Variants in NFASC observed in about 807,000 individuals in gnomAD.
NFASC encodes neurofascin homolog.
Under a neutral mutation model 147.5 loss-of-function variants are expected in NFASC, and 43 were observed. The observed-to-expected ratio is 0.29, with a 90% CI of 0.23 to 0.38. The LOEUF (loss-of-function observed/expected upper bound fraction) is 0.38, where lower values mean the gene tolerates loss of function less well. Ranked by LOEUF, NFASC falls within the 10% of genes least tolerant of loss-of-function variation. The pLI is 1.00. For synonymous variants in NFASC, 622 were observed against 665.5 expected (o/e 0.93, Z 1.01); for missense variants, 1,320 against 1,689.0 (o/e 0.78, Z 3.83).
At chr1:204,915,422 A>G (rs1362011795) in intron 1 of NFASC, among the ~76,000 whole-genome samples, 2 of 152,230 alleles carry the variant, frequency 1.3e-5, no homozygotes, top group African/African-American at 2.4e-5. Flanking sequence ...AAATACATGT[A>G]TATGTATATG....
rs143835447 is a variant in NFASC, at chr1:204,867,805, A to T, written c.-200+39023A>T. Among the ~76,000 whole-genome samples the T allele has an allele frequency of 5.1e-3, 784 of 152,286 alleles. 7 individuals carry two copies. Among genetic ancestry groups the T allele is most frequent in the African/African-American group, 0.018 (730 of 41,562 alleles). ...CACATAGCAGCCACTCCAAGCAGAG[A>T]CAGAGACAGGCCCTGGCGGGTACCG... On this transcript the variant is annotated intron_variant, in intron 1 of 29. Transcript: ENST00000339876.
chr1:204,927,714 C>T (rs952420276), intron 2 of NFASC, among the ~76,000 whole-genome samples: 5 of 152,228 alleles, frequency 3.3e-5, no homozygotes, highest in African/African-American at 1.2e-4. Context: ...TCACCATCCC[C>T]CTCCCTCTGA....
chr1:204,974,245 G>T lies in NFASC; in HGVS notation c.1346G>T (p.Arg449Leu). 2 of 1,614,130 alleles carry T rather than the reference G, an allele frequency of 1.2e-6. 1 individual carries two copies. The highest frequency in any genetic ancestry group is 2.7e-5 in the African/African-American group (2 of 75,034). ...LIRVILYNRT[R>L]LDCPFFGSPI... is the part of the protein sequence containing the mutation. Reference sequence around the variant, plus strand: ...CGAGTGATTCTTTACAACCGGACGCGGCTGGACTGCCCTTTCTTTGGGTCT... The same window carrying T: ...CGAGTGATTCTTTACAACCGGACGCTGCTGGACTGCCCTTTCTTTGGGTCT... Residue 449 changes from arginine to leucine, a missense_variant, in exon 13 of 30, where the codon CGG becomes CTG. Physicochemically the swap from Arg to Leu is moderately radical, Grantham distance 102. This residue lies in a region of NFASC where 981 missense variants were observed against 1,289.5 expected (regional missense o/e 0.76). Transcript: ENST00000339876.
intron 1 of NFASC, among the ~76,000 whole-genome samples, chr1:204,837,952 T>C (rs1272887774): frequency 2.0e-5 from 3 of 152,206 alleles, no homozygotes; most frequent in Non-Finnish European, 4.4e-5. Flanking sequence ...TGGGTTTACA[T>C]GAGAATTCCA....
chr1:204,929,576 G>C (rs952324688), intron 2 of NFASC: 1 of 152,466 alleles, frequency 6.6e-6, no homozygotes, highest in Admixed American at 6.5e-5. Context: ...TAAAAGGGGA[G>C]GTGGGAGGAT....
Position 204,858,163 on chromosome 1 carries a change from A to G in NFASC, c.-200+29381A>G, listed in dbSNP as rs148537853. Among the ~76,000 whole-genome samples the G allele has an allele frequency of 1.9e-4, 29 of 151,502 alleles. 2 individuals carry two copies. Among genetic ancestry groups the G allele is most frequent in the African/African-American group, 5.6e-4 (23 of 41,386 alleles). ...TTGAACTCCTAACCTCAGGTGATCC[A>G]CCTGCCTCAGCCTCCCAAAGTGCTG... On this transcript the variant is annotated intron_variant, in intron 1 of 29. Transcript: ENST00000339876.
intron 1 of NFASC, among the ~76,000 whole-genome samples, chr1:204,850,639 G>T (rs1048903530): frequency 7.9e-5 from 12 of 152,212 alleles, no homozygotes; most frequent in Non-Finnish European, 1.6e-4. Context: ...CTTCTCCTTT[G>T]TGCGCTCTGT....
intron 8 of NFASC, among the ~76,000 whole-genome samples, chr1:204,958,903 G>A (rs976542734): frequency 7.2e-5 from 11 of 152,112 alleles, no homozygotes; most frequent in Non-Finnish European, 1.5e-4. Context: ...AGGACAGGTA[G>A]GGGGTGTGAC....
chr1:204,937,933 A>G (rs937326128), intron 2 of NFASC, among the ~76,000 whole-genome samples: 12 of 152,204 alleles, frequency 7.9e-5, no homozygotes, highest in African/African-American at 2.4e-4. Flanking sequence ...GGCTATGTGA[A>G]TGAATCCCTG....
Position 204,968,448 on chromosome 1 carries a change from A to G in NFASC, c.818+88A>G. 1 of 925,998 alleles carries G rather than the reference A, an allele frequency of 1.1e-6. No homozygotes were observed. Among genetic ancestry groups the G allele is most frequent in the Non-Finnish European group, 1.7e-6 (1 of 575,478 alleles). The allele number at this position is 925,998 out of a possible 1,614,324, so 57.4% of individuals were successfully genotyped here. On this transcript the variant is annotated intron_variant, in intron 9 of 29. Coordinates refer to ENST00000339876, the MANE Select transcript of NFASC (RefSeq NM_001005388.3). This position sits in a 1 kb window ranked among gnomAD's most constrained non-coding sequence, Gnocchi z 5.4. Reference sequence around the variant, plus strand: ...TCATGCTCTTGTTAATGCCACATTTAGTGCATACCAGTAGCACAGCAAAAA... The same window carrying G: ...TCATGCTCTTGTTAATGCCACATTTGGTGCATACCAGTAGCACAGCAAAAA...
In NFASC at chr1:204,968,144, C is replaced by A. The variant is rs561658746; in HGVS notation, c.707-105C>A. 2.4e-5 allele frequency: 19 copies of A among 800,246 alleles called. No homozygotes were observed. In the African/African-American group the frequency reaches 3.2e-4, roughly 13 times the overall value. 49.6% of individuals were successfully genotyped at this position (800,246 alleles called of 1,614,324 possible). Reference sequence around the variant, plus strand: ...TTGGGATGGTTTCAGCTGGGAGGATCCGGCAGGGGCGGTGATGCCACTTCT... The same window carrying A: ...TTGGGATGGTTTCAGCTGGGAGGATACGGCAGGGGCGGTGATGCCACTTCT... On this transcript the variant is annotated intron_variant, in intron 8 of 29. Coordinates refer to ENST00000339876, the MANE Select transcript of NFASC (RefSeq NM_001005388.3). This position sits in a 1 kb window ranked among gnomAD's most constrained non-coding sequence, Gnocchi z 5.4.
At chr1:205,013,798 C>T (rs2096294829) in intron 29 of NFASC, among the ~76,000 whole-genome samples, 1 of 152,180 alleles carries the variant, frequency 6.6e-6, no homozygotes, top group Non-Finnish European at 1.5e-5. Flanking sequence ...TCCCCTTGTC[C>T]TCTGCTACAG....
chr1:204,910,621 A>G lies in NFASC; in HGVS notation c.-199-10011A>G, dbSNP rs80081779. Reference sequence around the variant, plus strand: ...TGCAAGACACCACATCCAGGCTTGCATCTGGATGTGCTGAGTTGCACCTGC... The same window carrying G: ...TGCAAGACACCACATCCAGGCTTGCGTCTGGATGTGCTGAGTTGCACCTGC... On this transcript the variant is annotated intron_variant, in intron 1 of 29. Transcript: ENST00000339876. Among the ~76,000 whole-genome samples the G allele has an allele frequency of 1.0e-2, 1,515 of 152,002 alleles. 20 individuals are homozygous for G. The highest frequency in any genetic ancestry group is 0.032 in the African/African-American group (1,324 of 41,494).
At chr1:204,985,234 C>T (rs1290516648) in intron 21 of NFASC, among the ~76,000 whole-genome samples, 1 of 152,208 alleles carries the variant, frequency 6.6e-6, no homozygotes, top group African/African-American at 2.4e-5. Flanking sequence ...GTTGCCCAAA[C>T]TCATTCCACT....
chr1:204,910,548 C>G (rs959465302), intron 1 of NFASC, among the ~76,000 whole-genome samples: 2 of 152,032 alleles, frequency 1.3e-5, no homozygotes, highest in Non-Finnish European at 2.9e-5. Flanking sequence ...AACTCCTGGG[C>G]TCAAGGGATC....
chr1:204,977,011 A>G (rs2095420749), intron 16 of NFASC: 8 of 1,307,110 alleles, frequency 6.1e-6, no homozygotes, highest in Non-Finnish European at 7.8e-6. Flanking sequence ...GGAGTCATTA[A>G]CTTCCCCACG....
Position 204,968,005 on chromosome 1 carries a change from A to C in NFASC, c.707-244A>C. The C allele has an allele frequency of 1.7e-5, 7 of 405,190 alleles. No individual in the cohort carries two copies. The highest frequency in any genetic ancestry group is 4.8e-5 in the East Asian group (1 of 20,720). The allele number at this position is 405,190 out of a possible 1,614,324, so 25.1% of individuals were successfully genotyped here. A position where few individuals can be genotyped will look rare whatever the true frequency, so the allele number is the denominator to read the frequency against. Reference sequence around the variant, plus strand: ...GGGGAGATTCCCTGAACCTGAGGGAAGCTGGGCTCCTCCAGGCAGATCCTT... The same window carrying C: ...GGGGAGATTCCCTGAACCTGAGGGACGCTGGGCTCCTCCAGGCAGATCCTT... On this transcript the variant is annotated intron_variant, in intron 8 of 29. Coordinates refer to ENST00000339876, the MANE Select transcript of NFASC (RefSeq NM_001005388.3). This position sits in a 1 kb window ranked among gnomAD's most constrained non-coding sequence, Gnocchi z 5.4.
At chr1:204,915,266 G>A (rs971134057) in intron 1 of NFASC, among the ~76,000 whole-genome samples, 5 of 152,058 alleles carry the variant, frequency 3.3e-5, no homozygotes, top group African/African-American at 1.2e-4. Context: ...GGACAACAGA[G>A]CAAGACTCTG....
Position 204,974,795 on chromosome 1 carries a change from T to G in NFASC, c.1530T>G (p.Ala510=), listed in dbSNP as rs1205940931. ...TCVATNILGK[A]ENQVRLEVKD... is the part of the protein sequence containing the mutation. ...TCGCCACCAACATCCTGGGCAAAGCTGAAAACCAAGTCCGCCTGGAGGTCA... is the reference window on the plus strand; with the variant it reads ...TCGCCACCAACATCCTGGGCAAAGCGGAAAACCAAGTCCGCCTGGAGGTCA... Residue 510 remains alanine (A), a synonymous_variant, in exon 14 of 30, where the codon GCT becomes GCG. Coordinates refer to ENST00000339876, the MANE Select transcript of NFASC (RefSeq NM_001005388.3). 1 of 1,614,046 alleles carries G rather than the reference T, an allele frequency of 6.2e-7. No individual in the cohort carries two copies. The highest frequency in any genetic ancestry group is 1.3e-5 in the African/African-American group (1 of 74,922).
Sources: allele counts gnomAD v4.1 joint callset (sites outside exome capture counted in the v4.1 genomes callset), GRCh38; gene constraint gnomAD v4.1.1; regional missense constraint gnomAD v4.1.1; non-coding constraint Gnocchi (gnomAD v3.1); transcripts MANE v1.5; gene names NCBI Gene and HGNC (gene_info 2026-07-23, HGNC 2026-07-21).